The following LPP variants were observed in gnomAD, a reference collection of about 807,000 sequenced individuals.
LPP encodes lipoma-preferred partner.
In LPP, 38 loss-of-function variants were observed where a neutral mutation model predicts 60.4. The observed-to-expected ratio is 0.63, with a 90% CI of 0.49 to 0.83. The LOEUF is 0.83. LPP is among the 40% of genes least tolerant of loss of function. The pLI, the probability that LPP is intolerant of heterozygous loss-of-function variation, is 0.00. For synonymous variants in LPP, 328 were observed against 290.8 expected (o/e 1.13, Z -1.30); for missense variants, 902 against 783.6 (o/e 1.15, Z -1.80).
chr3:188,785,547 T>TATATATATATATATACACACACACAC (rs1206082559), intron 9 of LPP, among the ~76,000 whole-genome samples: 11 of 43,842 alleles, frequency 2.5e-4, no homozygotes, highest in East Asian at 2.5e-3. Flanking sequence ...TATATATATA[T>TATATATATATATATACACACACACAC]ACACACACAC....
intron 3 of LPP, among the ~76,000 whole-genome samples, chr3:188,359,358 C>T (rs1054646392): frequency 1.3e-5 from 2 of 152,176 alleles, no homozygotes; most frequent in Non-Finnish European, 2.9e-5. Flanking sequence ...AGTCTCAGCT[C>T]TTGAAATAAA....
At chr3:188,746,013 T>A (rs938714908) in intron 8 of LPP, among the ~76,000 whole-genome samples, 2 of 152,198 alleles carry the variant, frequency 1.3e-5, no homozygotes, top group Admixed American at 6.5e-5. Context: ...TTTTCCCATA[T>A]CGCATGGATA....
intron 3 of LPP, among the ~76,000 whole-genome samples, chr3:188,378,954 G>T (rs1306873478): frequency 1.3e-5 from 2 of 152,162 alleles, no homozygotes; most frequent in Non-Finnish European, 2.9e-5. Flanking sequence ...ATTCCTGGGG[G>T]TGAGAAGGGG....
rs182809976 is a variant in LPP, at chr3:188,205,513, C to G, written c.-189-19892C>G. 1.6e-3 allele frequency among the ~76,000 whole-genome samples: 242 copies of G among 152,196 alleles called. 1 individual carries two copies. Among genetic ancestry groups the G allele is most frequent in the Middle Eastern group, 6.8e-3 (2 of 294 alleles). On this transcript the variant is annotated intron_variant, in intron 1 of 11. Coordinates refer to ENST00000617246, the MANE Select transcript of LPP (RefSeq NM_001375462.1). Reference sequence around the variant, plus strand: ...GCCAGGCTGGTCTTGAACTCCTGACCTCAAGTGATCTGCCTGCCTCGGCCT... The same window carrying G: ...GCCAGGCTGGTCTTGAACTCCTGACGTCAAGTGATCTGCCTGCCTCGGCCT...
intron 6 of LPP, among the ~76,000 whole-genome samples, chr3:188,538,535 C>G (rs1824269223): frequency 6.6e-6 from 1 of 152,120 alleles, no homozygotes; most frequent in South Asian, 2.1e-4. Context: ...AAAAAGACAA[C>G]ATGTGTTGGC....
At chr3:188,417,297 A>G (rs1458165624) in intron 4 of LPP, among the ~76,000 whole-genome samples, 1 of 152,062 alleles carries the variant, frequency 6.6e-6, no homozygotes, top group Non-Finnish European at 1.5e-5. Flanking sequence ...TAGTGCCGTA[A>G]TATAATATGA....
chr3:188,154,190 C>CGCA lies in LPP; in HGVS notation c.-250_-249insAGC. The CGCA allele has an allele frequency of 4.9e-6, 1 of 205,782 alleles. No individual in the cohort carries two copies. The highest frequency in any genetic ancestry group is 9.5e-6 in the Non-Finnish European group (1 of 105,400). 12.7% of individuals were successfully genotyped at this position (205,782 alleles called of 1,614,324 possible). A position where few individuals can be genotyped will look rare whatever the true frequency, so the allele number is the denominator to read the frequency against. On this transcript the variant is annotated 5_prime_UTR_variant, in exon 1 of 12. Coordinates refer to ENST00000617246, the MANE Select transcript of LPP (RefSeq NM_001375462.1). ...CTCTGCCTCTGCCTCCGCCTCCAGC[C>CGCA]GCCGCCGCCGCCGCCGCCGCCGCCA...
rs554132621 is a variant in LPP, at chr3:188,288,635, C to T, written c.-66-53028C>T. Among the ~76,000 whole-genome samples the T allele has an allele frequency of 7.2e-5, 11 of 152,218 alleles. No individual in the cohort carries two copies. The South Asian group carries it at 1.2e-3, about 17-fold the overall frequency. ...GTATCTACACCTGTCTATACACATA[C>T]GTGCACACCTATGCACACACATCTA... On this transcript the variant is annotated intron_variant, in intron 2 of 11. Coordinates refer to ENST00000617246, the MANE Select transcript of LPP (RefSeq NM_001375462.1).
At chr3:188,202,771 CAT>C (rs952754831) in intron 1 of LPP, among the ~76,000 whole-genome samples, 3 of 152,112 alleles carry the variant, frequency 2.0e-5, no homozygotes, top group African/African-American at 4.8e-5. Flanking sequence ...ACTGACTAAA[CAT>C]ATGTGAGATG....
intron 2 of LPP, among the ~76,000 whole-genome samples, chr3:188,329,653 A>G (rs1759438053): frequency 6.6e-6 from 1 of 152,148 alleles, no homozygotes; most frequent in Non-Finnish European, 1.5e-5. Flanking sequence ...AAAAAATGTT[A>G]AACCTTTTGC....
At chr3:188,376,206 A>G (rs1775026026) in intron 3 of LPP, among the ~76,000 whole-genome samples, 1 of 151,938 alleles carries the variant, frequency 6.6e-6, no homozygotes, top group African/African-American at 2.4e-5. Context: ...AGAGTTCTGT[A>G]GATGTCTATT....
At chr3:188,391,963 T>A (rs1332573370) in intron 3 of LPP, among the ~76,000 whole-genome samples, 2 of 152,134 alleles carry the variant, frequency 1.3e-5, no homozygotes, top group African/African-American at 4.8e-5. Context: ...ATCAAGCCAA[T>A]TACATATATT....
intron 4 of LPP, among the ~76,000 whole-genome samples, chr3:188,446,184 T>C (rs1795190598): frequency 6.6e-6 from 1 of 152,196 alleles, no homozygotes; most frequent in African/African-American, 2.4e-5. Context: ...GAAACAGCTC[T>C]CTTTAATAAA....
chr3:188,443,251 A>C (rs1794469323), intron 4 of LPP, among the ~76,000 whole-genome samples: 1 of 152,324 alleles, frequency 6.6e-6, no homozygotes. Context: ...AACAAAAATG[A>C]CAATTCCTGC....
At chr3:188,473,852 A>G (rs913017929) in intron 4 of LPP, among the ~76,000 whole-genome samples, 2 of 152,208 alleles carry the variant, frequency 1.3e-5, no homozygotes, top group African/African-American at 4.8e-5. Flanking sequence ...GATGGTTGCA[A>G]TATTTCTGAA....
chr3:188,582,292 C>T (rs1208250464), intron 6 of LPP, among the ~76,000 whole-genome samples: 1 of 151,500 alleles, frequency 6.6e-6, no homozygotes, highest in Non-Finnish European at 1.5e-5. Flanking sequence ...TCCCGAGTAG[C>T]TGTGTCTACA....
intron 3 of LPP, among the ~76,000 whole-genome samples, chr3:188,387,023 A>G (rs1194956424): frequency 6.6e-6 from 1 of 151,994 alleles, no homozygotes; most frequent in African/African-American, 2.4e-5. Context: ...CTTGTGACTT[A>G]GTCTGTGGCC....
chr3:188,398,860 G>T (rs1262925584), intron 3 of LPP, among the ~76,000 whole-genome samples: 1 of 152,196 alleles, frequency 6.6e-6, no homozygotes. Context: ...ATCAACCCAA[G>T]AATCCTTCCT....
chr3:188,241,015 T>C (rs756135122), intron 2 of LPP, among the ~76,000 whole-genome samples: 4 of 152,338 alleles, frequency 2.6e-5, no homozygotes, highest in Middle Eastern at 3.4e-3. Context: ...ATGCATAGTC[T>C]AAAGTGATGA....
Sources: allele counts gnomAD v4.1 joint callset (sites outside exome capture counted in the v4.1 genomes callset), GRCh38; gene constraint gnomAD v4.1.1; transcripts MANE v1.5; gene names NCBI Gene and HGNC (gene_info 2026-07-23, HGNC 2026-07-21).